The following MAP4K4 variants were observed in gnomAD, a reference collection of about 807,000 sequenced individuals.
MAP4K4 encodes HPK/GCK-like kinase HGK.
MAP4K4 carries 38 observed loss-of-function variants against 189.6 expected under a neutral mutation model. The observed-to-expected ratio is 0.20, with a 90% CI of 0.15 to 0.26. The LOEUF (loss-of-function observed/expected upper bound fraction) is 0.26. MAP4K4 is among the 10% of genes least tolerant of loss of function. MAP4K4 has a pLI of 1.00. For missense variants in MAP4K4, 1,054 were observed against 1,726.9 expected (o/e 0.61, Z 6.91); for synonymous variants, 610 against 624.3 (o/e 0.98, Z 0.34).
At chr2:101,713,825 C>T (rs188038263) in intron 2 of MAP4K4, among the ~76,000 whole-genome samples, 4 of 151,862 alleles carry the variant, frequency 2.6e-5, no homozygotes, top group East Asian at 1.9e-4. Flanking sequence ...ACCCGGGAGA[C>T]GGAGGTAGCA....
intron 2 of MAP4K4, among the ~76,000 whole-genome samples, chr2:101,732,350 A>G (rs928460865): frequency 1.3e-5 from 2 of 152,208 alleles, no homozygotes; most frequent in African/African-American, 2.4e-5. Flanking sequence ...ATGGCAGGCA[A>G]CCATTCAGAG....
intron 26 of MAP4K4, among the ~76,000 whole-genome samples, chr2:101,875,038 GT>G (rs1381846204): frequency 6.6e-6 from 1 of 152,122 alleles, no homozygotes; most frequent in Non-Finnish European, 1.5e-5. Context: ...TGACATAGGA[GT>G]TTAAAAAAAT....
intron 2 of MAP4K4, among the ~76,000 whole-genome samples, chr2:101,720,075 T>C (rs998568806): frequency 2.6e-5 from 4 of 151,850 alleles, no homozygotes; most frequent in African/African-American, 9.7e-5. Context: ...AGCTTTAAAA[T>C]GCTGTTGAGA....
chr2:101,790,490 A>G (rs1265550804), intron 2 of MAP4K4, among the ~76,000 whole-genome samples: 2 of 152,242 alleles, frequency 1.3e-5, no homozygotes, highest in Admixed American at 6.5e-5. Flanking sequence ...GAAGTAATTG[A>G]TGCTTTATCA....
intron 12 of MAP4K4, among the ~76,000 whole-genome samples, chr2:101,853,113 G>A (rs1051578867): frequency 1.3e-5 from 2 of 152,154 alleles, no homozygotes; most frequent in African/African-American, 4.8e-5. Flanking sequence ...AAATGATCAG[G>A]GTGAATCATA....
At chr2:101,874,393 G>A in intron 26 of MAP4K4, 141 bp downstream of exon 26, 2 of 696,310 alleles carry the variant, frequency 2.9e-6, no homozygotes, top group South Asian at 3.9e-5. Context: ...TATATGCAGA[G>A]TGGTATATTA....
chr2:101,813,948 G>C (rs970751153), intron 3 of MAP4K4, among the ~76,000 whole-genome samples: 13 of 152,186 alleles, frequency 8.5e-5, no homozygotes, highest in African/African-American at 2.9e-4. Flanking sequence ...GCTCCCATTA[G>C]ATGGTTTGAT....
At chr2:101,739,087 CT>C (rs1315750413) in intron 2 of MAP4K4, among the ~76,000 whole-genome samples, 4 of 152,258 alleles carry the variant, frequency 2.6e-5, no homozygotes, top group Non-Finnish European at 4.4e-5. Flanking sequence ...AAGGTAGAAT[CT>C]GTGACTTACG....
intron 2 of MAP4K4, among the ~76,000 whole-genome samples, chr2:101,772,613 T>C (rs1367897488): frequency 6.6e-6 from 1 of 152,250 alleles, no homozygotes; most frequent in Non-Finnish European, 1.5e-5. Flanking sequence ...TAGTTTTGAA[T>C]AGTAGTGTGC....
intron 10 of MAP4K4, among the ~76,000 whole-genome samples, chr2:101,840,713 A>G (rs2096891881): frequency 6.6e-6 from 1 of 152,208 alleles, no homozygotes; most frequent in African/African-American, 2.4e-5. Context: ...TTATAGAACA[A>G]CACTTGGTTA....
At chr2:101,888,550 A>T (rs2098520542) in intron 31 of MAP4K4, among the ~76,000 whole-genome samples, 1 of 152,202 alleles carries the variant, frequency 6.6e-6, no homozygotes, top group Non-Finnish European at 1.5e-5. Context: ...ATTTTTCTAG[A>T]TAGGCGTGAA....
chr2:101,798,568 A>G (rs1170064420), intron 3 of MAP4K4, among the ~76,000 whole-genome samples: 2 of 152,198 alleles, frequency 1.3e-5, no homozygotes, highest in Admixed American at 6.5e-5. Flanking sequence ...TAAAGTCACA[A>G]TAGAGTCCTG....
At chr2:101,792,042 ATAT>A (rs1381633904) in intron 3 of MAP4K4, among the ~76,000 whole-genome samples, 4 of 152,194 alleles carry the variant, frequency 2.6e-5, no homozygotes. Flanking sequence ...TTCCAATAAA[ATAT>A]TATTTTAAGG....
chr2:101,867,811 G>A, intron 20 of MAP4K4: 1 of 519,412 alleles, frequency 1.9e-6, no homozygotes, highest in Non-Finnish European at 3.4e-6. Flanking sequence ...TGATAGTTGT[G>A]ACTGCTTCTC....
intron 2 of MAP4K4, among the ~76,000 whole-genome samples, chr2:101,758,199 T>G (rs1304407485): frequency 6.6e-6 from 1 of 152,220 alleles, no homozygotes; most frequent in South Asian, 2.1e-4. Flanking sequence ...GTCTGTCTTA[T>G]AGTAATGAAC....
chr2:101,768,635 C>G (rs1458853793), intron 2 of MAP4K4, among the ~76,000 whole-genome samples: 1 of 151,902 alleles, frequency 6.6e-6, no homozygotes, highest in Non-Finnish European at 1.5e-5. Context: ...GTGTTTTTTC[C>G]CCTTAGTGGA....
At chr2:101,831,898 C>T in intron 7 of MAP4K4, 47 bp downstream of exon 7, 1 of 1,598,314 alleles carries the variant, frequency 6.3e-7, no homozygotes, top group East Asian at 2.2e-5. Flanking sequence ...ACTGGCATAC[C>T]CGAGGGATGG....
chr2:101,829,620 C>G lies in MAP4K4; in HGVS notation c.508+26C>G, dbSNP rs375947057. 6 of 1,529,946 alleles carry G rather than the reference C, an allele frequency of 3.9e-6. No individual in the cohort carries two copies. The African/African-American group carries it at 8.2e-5, about 21-fold the overall frequency. The allele number at this position is 1,529,946 out of a possible 1,614,324, so 94.8% of individuals were successfully genotyped here. A position where few individuals can be genotyped will look rare whatever the true frequency, so the allele number is the denominator to read the frequency against. On this transcript the variant is annotated intron_variant, in intron 6 of 32. Transcript: ENST00000324219. ...GTATGTAATGGATGTGCGGCGTGAT[C>G]TCATAATTGCACCTGGCACAAGCCA...
chr2:101,831,075 A>C (rs564560979), intron 6 of MAP4K4, among the ~76,000 whole-genome samples: 1 of 152,160 alleles, frequency 6.6e-6, no homozygotes, highest in South Asian at 2.1e-4. Flanking sequence ...GAGTGATGGG[A>C]GGCATTCTGT....
Sources: gnomAD v4.1 joint callset for allele counts (sites outside exome capture counted in the v4.1 genomes callset) on GRCh38, gnomAD v4.1.1 for gene constraint, MANE v1.5 for transcripts, NCBI Gene and HGNC (gene_info 2026-07-23, HGNC 2026-07-21) for gene names.